PKIA: variants seen among roughly 807,000 people sequenced by gnomAD.
PKIA encodes the protein cAMP-dependent protein kinase inhibitor alpha.
PKIA carries 4 observed loss-of-function variants against 7.6 expected under a neutral mutation model. The ratio of observed to expected loss-of-function variants is 0.52; its 90% CI spans 0.26 to 1.20. PKIA has a LOEUF of 1.20. PKIA is among the 50% of genes most tolerant of loss of function. The pLI, the probability that PKIA is intolerant of heterozygous loss-of-function variation, is 0.13. For synonymous variants in PKIA, 21 were observed against 30.7 expected, an observed-to-expected ratio of 0.68 and a Z score of 1.04; for missense variants, 73 against 86.2, an observed-to-expected ratio of 0.85 and a Z score of 0.61.
intron 1 of PKIA, among the ~76,000 whole-genome samples, chr8:78,532,321 ACAAAC>A (rs139807999): frequency 0.034 from 5,094 of 151,958 alleles, 91 homozygotes; most frequent in African/African-American, 0.041. Flanking sequence ...AAATTACAAA[ACAAAC>A]AAACAAACAA....
intron 2 of PKIA, among the ~76,000 whole-genome samples, chr8:78,583,044 C>G (rs1318539278): frequency 6.6e-6 from 1 of 152,130 alleles, no homozygotes; most frequent in Non-Finnish European, 1.5e-5. Context: ...AAGCTGTTGT[C>G]TACTGGCCTA....
At position 78,601,943 on chromosome 8, in the gene PKIA, C is replaced by A. The variant is rs1808359214; in HGVS notation, c.*122C>A. 4.1e-6 allele frequency: 3 copies of A among 731,396 alleles called. No homozygotes were observed. The highest frequency in any genetic ancestry group is 1.8e-5 in the African/African-American group (1 of 56,170). The allele number at this position is 731,396 out of a possible 1,614,324, so 45.3% of individuals were successfully genotyped here. On this transcript the variant is annotated 3_prime_UTR_variant, in exon 4 of 4. Coordinates refer to ENST00000396418, the MANE Select transcript of PKIA (RefSeq NM_006823.4). ...AAATGGCTGTGCTGCATTGCAGGAA[C>A]CTGCTCATTATCATGTTAAAAATGA...
At chr8:78,588,849 G>A (rs1585924361) in intron 2 of PKIA, among the ~76,000 whole-genome samples, 1 of 151,392 alleles carries the variant, frequency 6.6e-6, no homozygotes, top group Non-Finnish European at 1.5e-5. Context: ...AACATGCAGG[G>A]TTGATTGTTC....
At position 78,516,364 on chromosome 8, in the gene PKIA, G is replaced by A. The variant is rs560990184; in HGVS notation, c.-261G>A. The A allele has an allele frequency of 4.6e-5, 7 of 152,568 alleles. No individual in the cohort carries two copies. Among genetic ancestry groups the A allele is most frequent in the South Asian group, 2.1e-4 (1 of 4,860 alleles). The allele number at this position is 152,568 out of a possible 1,614,324, so 9.5% of individuals were successfully genotyped here. A position where few individuals can be genotyped will look rare whatever the true frequency, so the allele number is the denominator to read the frequency against. ...CGGGAGCGGAGGCTGCTGCTGGCAG[G>A]TGGGGCGCGGGCCGGCGCGAGCTGA... On this transcript the variant is annotated 5_prime_UTR_variant, in exon 1 of 4. In the 5' UTR this introduces an upstream ATG that the reference lacks. Transcript: ENST00000396418.
At chr8:78,556,599 T>A (rs553317619) in intron 1 of PKIA, 3 of 152,240 alleles carry the variant, frequency 2.0e-5, no homozygotes, top group South Asian at 4.1e-4. Context: ...ACAGGCTGGC[T>A]CTAACATATT....
At chr8:78,525,412 CGA>C (rs1283934056) in intron 1 of PKIA, among the ~76,000 whole-genome samples, 3 of 151,774 alleles carry the variant, frequency 2.0e-5, no homozygotes, top group Admixed American at 1.3e-4. Flanking sequence ...CACATCTTCA[CGA>C]GATATGTTGG....
intron 2 of PKIA, among the ~76,000 whole-genome samples, chr8:78,573,428 T>C (rs182161524): frequency 1.3e-5 from 2 of 152,052 alleles, no homozygotes; most frequent in Admixed American, 1.3e-4. Context: ...TGAGCACGTA[T>C]AGGGAGTTGA....
intron 1 of PKIA, among the ~76,000 whole-genome samples, chr8:78,538,724 G>A (rs1806600049): frequency 6.6e-6 from 1 of 151,904 alleles, no homozygotes; most frequent in Admixed American, 6.6e-5. Flanking sequence ...TTCCCCTAGG[G>A]AACAAAGATG....
At chr8:78,523,085 T>G (rs1809447479) in intron 1 of PKIA, among the ~76,000 whole-genome samples, 2 of 151,900 alleles carry the variant, frequency 1.3e-5, no homozygotes, top group Admixed American at 1.3e-4. Flanking sequence ...TGCTGGAGAT[T>G]GCATTAGTTT....
intron 2 of PKIA, among the ~76,000 whole-genome samples, chr8:78,593,828 G>A (rs779073070): frequency 5.5e-5 from 8 of 146,394 alleles, no homozygotes; most frequent in Non-Finnish European, 1.0e-4. Flanking sequence ...CAGATCACTT[G>A]AATTATCTGG....
chr8:78,568,756 G>T (rs1807477717), intron 1 of PKIA, among the ~76,000 whole-genome samples: 1 of 152,144 alleles, frequency 6.6e-6, no homozygotes, highest in Admixed American at 6.5e-5. Flanking sequence ...TGAGAAAAGA[G>T]ATTTCTAACA....
chr8:78,521,663 A>G (rs1290741854), intron 1 of PKIA, among the ~76,000 whole-genome samples: 2 of 152,032 alleles, frequency 1.3e-5, no homozygotes, highest in Non-Finnish European at 2.9e-5. Context: ...AAAACTTTAT[A>G]ATGTGCTCCA....
chr8:78,525,677 A>T (rs1002794488), intron 1 of PKIA, among the ~76,000 whole-genome samples: 1 of 152,074 alleles, frequency 6.6e-6, no homozygotes, highest in Non-Finnish European at 1.5e-5. Context: ...AAGTTGTAAC[A>T]ATTTTATTCT....
intron 1 of PKIA, among the ~76,000 whole-genome samples, chr8:78,528,840 A>T (rs1806320277): frequency 6.6e-6 from 1 of 151,808 alleles, no homozygotes; most frequent in African/African-American, 2.4e-5. Context: ...TAGAACACAA[A>T]TATTTGTGAC....
chr8:78,598,610 G>A (rs571247199), intron 3 of PKIA, 75 bp downstream of exon 3: 124 of 1,161,038 alleles, frequency 1.1e-4, no homozygotes, highest in Non-Finnish European at 1.4e-4. Flanking sequence ...ATTAAGGCAC[G>A]AAAAGCCATC....
At chr8:78,521,658 T>C (rs548389307) in intron 1 of PKIA, among the ~76,000 whole-genome samples, 7 of 152,032 alleles carry the variant, frequency 4.6e-5, no homozygotes, top group Non-Finnish European at 1.0e-4. Flanking sequence ...TTATGAAAAC[T>C]TTATAATGTG....
At chr8:78,583,258 A>G (rs921085564) in intron 2 of PKIA, among the ~76,000 whole-genome samples, 4 of 152,158 alleles carry the variant, frequency 2.6e-5, no homozygotes, top group Non-Finnish European at 5.9e-5. Context: ...TAGTTTGAGA[A>G]CCCACATTTT....
intron 1 of PKIA, among the ~76,000 whole-genome samples, chr8:78,537,426 A>G (rs1166993449): frequency 1.3e-5 from 2 of 152,064 alleles, no homozygotes; most frequent in African/African-American, 4.8e-5. Flanking sequence ...AAGAGGTGGA[A>G]AGCCACAAGG....
chr8:78,571,502 C>T (rs2118556352), intron 1 of PKIA, among the ~76,000 whole-genome samples: 1 of 152,202 alleles, frequency 6.6e-6, no homozygotes, highest in South Asian at 2.1e-4. Context: ...CTTTCAATCC[C>T]TGACAGAGGG....
Sources: allele counts gnomAD v4.1 joint callset (sites outside exome capture counted in the v4.1 genomes callset), GRCh38; gene constraint gnomAD v4.1.1; transcripts MANE v1.5; gene names NCBI Gene and HGNC (gene_info 2026-07-23, HGNC 2026-07-21).